ZDHHC14: variants seen among roughly 807,000 people sequenced by gnomAD.
ZDHHC14 encodes zDHHC palmitoyltransferase 14, also known as palmitoyltransferase ZDHHC14.
Under a neutral mutation model 47.7 loss-of-function variants are expected in ZDHHC14, and 16 were observed. The observed-to-expected ratio is 0.34, with a 90% CI of 0.23 to 0.51. The LOEUF (loss-of-function observed/expected upper bound fraction) is 0.51, where lower values mean the gene tolerates loss of function less well. Among genes scored for constraint, ZDHHC14 ranks in the 20% least tolerant of loss-of-function variants. The pLI, the probability that ZDHHC14 is intolerant of heterozygous loss-of-function variation, is 0.97. For missense variants in ZDHHC14, 515 were observed against 662.5 expected, an observed-to-expected ratio of 0.78 and a Z score of 2.44; for synonymous variants, 293 against 278.9, an observed-to-expected ratio of 1.05 and a Z score of -0.50.
At chr6:157,540,307 G>A (rs533779614) in intron 1 of ZDHHC14, among the ~76,000 whole-genome samples, 20 of 152,340 alleles carry the variant, frequency 1.3e-4, no homozygotes, top group African/African-American at 4.6e-4. Context: ...ACCCTGCAGA[G>A]AGTGCACTTG....
intron 2 of ZDHHC14, among the ~76,000 whole-genome samples, chr6:157,559,120 A>G (rs1480394480): frequency 4.6e-5 from 7 of 152,248 alleles, no homozygotes; most frequent in East Asian, 1.9e-4. Context: ...TTCTTTAATC[A>G]ATATTTTAAT....
Position 157,513,916 on chromosome 6 carries a change from C to A in ZDHHC14, c.246-28669C>A, listed in dbSNP as rs560789152. ...TCCCTCATTTTATGGATGAGCAAAC[C>A]TTGGCTCAGCGAACAGTGAATTGCT... On this transcript the variant is annotated intron_variant, in intron 1 of 8. Coordinates refer to ENST00000359775, the MANE Select transcript of ZDHHC14 (RefSeq NM_024630.3). 2.0e-5 allele frequency among the ~76,000 whole-genome samples: 3 copies of A among 152,166 alleles called. No individual in the cohort carries two copies. The East Asian group carries it at 5.8e-4, about 29-fold the overall frequency.
intron 1 of ZDHHC14, among the ~76,000 whole-genome samples, chr6:157,493,653 TG>T (rs1779983479): frequency 6.6e-6 from 1 of 152,262 alleles, no homozygotes; most frequent in Non-Finnish European, 1.5e-5. Context: ...GGGTGCTGTG[TG>T]GGCACAGCCC....
intron 2 of ZDHHC14, among the ~76,000 whole-genome samples, chr6:157,587,772 C>T (rs1348951593): frequency 6.6e-6 from 1 of 152,180 alleles, no homozygotes; most frequent in Non-Finnish European, 1.5e-5. Flanking sequence ...TTCACAAACA[C>T]CAAAGCCTTA....
rs555550235 is a variant in ZDHHC14, at chr6:157,570,778, T to C, written c.407-22210T>C. Among the ~76,000 whole-genome samples, 1,412 of 151,424 alleles carry C rather than the reference T, an allele frequency of 9.3e-3. 24 individuals are homozygous for C. Among genetic ancestry groups the C allele is most frequent in the East Asian group, 0.044 (230 of 5,174 alleles). On this transcript the variant is annotated intron_variant, in intron 2 of 8. Transcript: ENST00000359775. Reference sequence around the variant, plus strand: ...ATACACACACACACACACATATATATATACACACACACACACATATATATA... The same window carrying C: ...ATACACACACACACACACATATATACATACACACACACACACATATATATA...
intron 1 of ZDHHC14, among the ~76,000 whole-genome samples, chr6:157,498,352 T>C (rs1461160954): frequency 6.6e-6 from 1 of 151,862 alleles, no homozygotes; most frequent in East Asian, 1.9e-4. Flanking sequence ...TTACAGTGGA[T>C]ATAATTTTGA....
intron 1 of ZDHHC14, among the ~76,000 whole-genome samples, chr6:157,384,541 A>G (rs753883190): frequency 6.6e-6 from 1 of 152,088 alleles, no homozygotes; most frequent in African/African-American, 2.4e-5. Context: ...GTATGTGTGT[A>G]TATGTGTGTG....
chr6:157,612,881 A>G (rs1378758591), intron 3 of ZDHHC14, among the ~76,000 whole-genome samples: 1 of 151,472 alleles, frequency 6.6e-6, no homozygotes, highest in Admixed American at 6.6e-5. Flanking sequence ...TGGCCCTATG[A>G]TGAGGTTAGT....
intron 1 of ZDHHC14, among the ~76,000 whole-genome samples, chr6:157,488,762 A>G (rs1246235523): frequency 2.6e-5 from 4 of 152,218 alleles, no homozygotes; most frequent in African/African-American, 9.6e-5. Flanking sequence ...TGGACCTCAC[A>G]GACGTGTCTT....
intron 8 of ZDHHC14, among the ~76,000 whole-genome samples, chr6:157,661,443 C>T (rs988899540): frequency 2.0e-5 from 3 of 152,136 alleles, no homozygotes; most frequent in Non-Finnish European, 2.9e-5. Context: ...TTTCTCTGTG[C>T]CCACCTCTGC....
At chr6:157,554,292 C>T (rs571408850) in intron 2 of ZDHHC14, among the ~76,000 whole-genome samples, 1 of 152,246 alleles carries the variant, frequency 6.6e-6, no homozygotes, top group Non-Finnish European at 1.5e-5. Context: ...TTCACCAAAC[C>T]CAAATATAAC....
At chr6:157,607,147 G>A (rs1271978718) in intron 3 of ZDHHC14, among the ~76,000 whole-genome samples, 1 of 152,094 alleles carries the variant, frequency 6.6e-6, no homozygotes, top group Non-Finnish European at 1.5e-5. Flanking sequence ...TATGTATTTA[G>A]AAACATGCTG....
At position 157,649,266 on chromosome 6, in the gene ZDHHC14, G is replaced by A. The variant is rs889022045; in HGVS notation, c.965+1898G>A. Among the ~76,000 whole-genome samples, 8 of 152,354 alleles carry A rather than the reference G, an allele frequency of 5.3e-5. No homozygotes were observed. The South Asian group carries it at 1.4e-3, about 28-fold the overall frequency. ...TCCAGACTTGAAGCGGTGTGGGGCA[G>A]CACTGAAGGGGCTCCGGGGGAGGCT... On this transcript the variant is annotated intron_variant, in intron 7 of 8. Transcript: ENST00000359775.
chr6:157,481,212 T>C (rs1779621721), intron 1 of ZDHHC14, among the ~76,000 whole-genome samples: 1 of 152,234 alleles, frequency 6.6e-6, no homozygotes, highest in East Asian at 1.9e-4. Context: ...ATTTTTATTG[T>C]GTTTTATCTA....
intron 2 of ZDHHC14, among the ~76,000 whole-genome samples, chr6:157,580,851 A>C (rs1329001740): frequency 6.6e-6 from 1 of 150,960 alleles, no homozygotes; most frequent in East Asian, 1.9e-4. Context: ...CTATCTTATT[A>C]ATTTTTTCAA....
At position 157,542,626 on chromosome 6, in the gene ZDHHC14, C is replaced by T; in HGVS notation, c.287C>T (p.Ala96Val). 6.2e-7 allele frequency: 1 copy of T among 1,614,196 alleles called. No individual in the cohort carries two copies. Among genetic ancestry groups the T allele is most frequent in the East Asian group, 2.2e-5 (1 of 44,880 alleles). ...LAVKITPAIP[A>V]VAGILFFFVM... is the part of the protein sequence containing the mutation. Reference sequence around the variant, plus strand: ...GTGAAAATCACCCCTGCCATCCCTGCAGTCGCTGGCATCCTGTTCTTCTTT... The same window carrying T: ...GTGAAAATCACCCCTGCCATCCCTGTAGTCGCTGGCATCCTGTTCTTCTTT... The change falls in exon 2 of 9, where the codon GCA (alanine) becomes GTA (valine). Residue 96 changes from alanine (A) to valine (V), a missense_variant. This residue lies in a region of ZDHHC14 where 229 missense variants were observed against 351.5 expected (regional missense o/e 0.65). Transcript: ENST00000359775.
At chr6:157,552,101 G>A (rs1782257700) in intron 2 of ZDHHC14, among the ~76,000 whole-genome samples, 1 of 152,266 alleles carries the variant, frequency 6.6e-6, no homozygotes, top group Non-Finnish European at 1.5e-5. Context: ...ATTTTAAAAT[G>A]CAAAGCTCCG....
At chr6:157,537,315 C>T (rs1321286831) in intron 1 of ZDHHC14, among the ~76,000 whole-genome samples, 1 of 152,102 alleles carries the variant, frequency 6.6e-6, no homozygotes, top group Non-Finnish European at 1.5e-5. Flanking sequence ...TCCATATAAT[C>T]TTTTGGCAGT....
rs569980945 is a variant in ZDHHC14, at chr6:157,672,813, C to T, written c.1158C>T (p.Ser386=). 158 of 1,612,522 alleles carry T rather than the reference C, an allele frequency of 9.8e-5. 1 individual carries two copies. The Admixed American group carries it at 2.6e-3, about 26-fold the overall frequency. The change falls in exon 9 of 9, where the codon AGC becomes AGT. Residue 386 remains serine, a synonymous_variant. Transcript: ENST00000359775. ...PLLQSEPSLT[S]DELHLPGKPG... The stretch of plus-strand genomic sequence containing the variant: ...TGCAGAGCGAGCCCAGCCTCACCAG[C>T]GACGAGCTGCACCTGCCCGGGAAGC...
Sources: gnomAD v4.1 joint callset for allele counts (sites outside exome capture counted in the v4.1 genomes callset) on GRCh38, gnomAD v4.1.1 for gene constraint, gnomAD v4.1.1 regional missense constraint, MANE v1.5 for transcripts, NCBI Gene and HGNC (gene_info 2026-07-23, HGNC 2026-07-21) for gene names.